Variants in LPA observed in about 807,000 individuals in gnomAD.
The protein encoded by LPA is lipoprotein(a), also known as apolipoprotein(a).
In LPA, 199 loss-of-function variants were observed where a neutral mutation model predicts 197.9. The ratio of observed to expected loss-of-function variants is 1.01; its 90% CI spans 0.90 to 1.13. The LOEUF (loss-of-function observed/expected upper bound fraction) is 1.13. Ranked by LOEUF, LPA falls within the 50% of genes most tolerant of loss-of-function variation. The pLI is 0.00. For missense variants in LPA, 1,853 were observed against 1,785.8 expected (o/e 1.04, Z -0.68); for synonymous variants, 715 against 639.5 (o/e 1.12, Z -1.78).
At chr6:160,538,282 G>A (rs1777924446) in intron 36 of LPA, among the ~76,000 whole-genome samples, 1 of 152,238 alleles carries the variant, frequency 6.6e-6, no homozygotes, top group Non-Finnish European at 1.5e-5. Flanking sequence ...CATGCCAAGT[G>A]TGTCCTTTCA....
chr6:160,583,133 A>G (rs1166723078), intron 26 of LPA, among the ~76,000 whole-genome samples: 2 of 152,116 alleles, frequency 1.3e-5, no homozygotes, highest in African/African-American at 4.8e-5. Context: ...CATACATTTT[A>G]AATCTCCTTG....
intron 27 of LPA, 43 bp from the exon 28 acceptor site, chr6:160,577,338 G>A: frequency 6.3e-7 from 1 of 1,585,024 alleles, no homozygotes; most frequent in East Asian, 2.2e-5. Flanking sequence ...AATTGCATGA[G>A]CAGAGAAACA....
chr6:160,561,631 A>G (rs1054259316), intron 28 of LPA, among the ~76,000 whole-genome samples: 1 of 152,204 alleles, frequency 6.6e-6, no homozygotes, highest in Non-Finnish European at 1.5e-5. Flanking sequence ...CTTGATGGGG[A>G]TAACATTGAA....
chr6:160,557,683 C>T, intron 28 of LPA, 112 bp from the exon 29 acceptor site: 2 of 905,940 alleles, frequency 2.2e-6, no homozygotes, highest in South Asian at 2.8e-5. Context: ...TTGTAATATT[C>T]CCATTTTAGG....
chr6:160,646,780 A>G (rs1779888463), intron 2 of LPA, among the ~76,000 whole-genome samples: 1 of 145,218 alleles, frequency 6.9e-6, no homozygotes, highest in African/African-American at 2.6e-5. Flanking sequence ...TCACATGCAA[A>G]TGCATCTGTA....
intron 30 of LPA, among the ~76,000 whole-genome samples, chr6:160,555,429 C>T (rs1778243678): frequency 1.2e-5 from 1 of 83,074 alleles, no homozygotes; most frequent in African/African-American, 4.8e-5. Flanking sequence ...TGCATGTTTC[C>T]CTAGAACATA....
At chr6:160,591,205 G>A (rs1270931923) in intron 22 of LPA, 104 bp from the exon 23 acceptor site, 2 of 1,418,602 alleles carry the variant, frequency 1.4e-6, no homozygotes. Flanking sequence ...AAGTGACTTT[G>A]AAATATTCTC....
chr6:160,533,932 C>A (rs1466387023), intron 37 of LPA, among the ~76,000 whole-genome samples: 1 of 152,230 alleles, frequency 6.6e-6, no homozygotes, highest in Non-Finnish European at 1.5e-5. Context: ...CCAGGGATTT[C>A]TCAGTGCTCT....
intron 26 of LPA, among the ~76,000 whole-genome samples, chr6:160,584,173 C>T (rs922157197): frequency 4.8e-5 from 1 of 20,980 alleles, no homozygotes; most frequent in Admixed American, 5.2e-4. Context: ...TTTCTATTTT[C>T]TTCTTCTTCT....
rs184436891 is a variant in LPA, at chr6:160,651,566, A to G, written c.50-1069T>C. Among the ~76,000 whole-genome samples the G allele has an allele frequency of 1.8e-3, 267 of 152,350 alleles. 1 individual carries two copies. Among genetic ancestry groups the G allele is most frequent in the East Asian group, 0.011 (56 of 5,184 alleles). ...AACAGAAGATGGGTGCCCATTTCAA[A>G]GCATAAATAATATTTACTGCAATCT... On this transcript the variant is annotated intron_variant, in intron 1 of 38. Coordinates refer to ENST00000316300, the MANE Select transcript of LPA (RefSeq NM_005577.4).
intron 28 of LPA, among the ~76,000 whole-genome samples, chr6:160,559,636 A>G (rs994921216): frequency 6.6e-6 from 1 of 152,234 alleles, no homozygotes; most frequent in Non-Finnish European, 1.5e-5. Context: ...TTCCACCAGC[A>G]TATGATAAGA....
intron 2 of LPA, among the ~76,000 whole-genome samples, chr6:160,648,228 G>C (rs1253185076): frequency 6.6e-6 from 1 of 152,184 alleles, no homozygotes; most frequent in Non-Finnish European, 1.5e-5. Context: ...CCTCTAGCAA[G>C]ACACAGCTTT....
intron 30 of LPA, among the ~76,000 whole-genome samples, chr6:160,554,524 C>T (rs1778222993): frequency 6.6e-6 from 1 of 152,068 alleles, no homozygotes; most frequent in Non-Finnish European, 1.5e-5. Context: ...GGCATAAATC[C>T]TACTCCTAAA....
At chr6:160,659,834 T>A (rs1469815384) in intron 1 of LPA, among the ~76,000 whole-genome samples, 1 of 151,972 alleles carries the variant, frequency 6.6e-6, no homozygotes. Context: ...TCCGTGAGAG[T>A]CCTGAAGCTC....
intron 23 of LPA, 75 bp from the exon 24 acceptor site, chr6:160,589,787 G>A: frequency 6.5e-7 from 1 of 1,534,860 alleles, no homozygotes; most frequent in South Asian, 1.1e-5. Context: ...ATCCATGATA[G>A]AAACAGGACA....
intron 37 of LPA, 140 bp from the exon 38 acceptor site, chr6:160,532,789 G>A: frequency 1.4e-6 from 1 of 709,486 alleles, no homozygotes; most frequent in African/African-American, 1.8e-5. Context: ...CAATGCCACT[G>A]GACTCTCTGA....
intron 28 of LPA, among the ~76,000 whole-genome samples, chr6:160,561,551 C>T (rs991650581): frequency 6.6e-6 from 1 of 152,130 alleles, no homozygotes; most frequent in African/African-American, 2.4e-5. Flanking sequence ...CTTGGATATA[C>T]AGGCCCTTTT....
chr6:160,654,020 A>T (rs868804441), intron 1 of LPA, among the ~76,000 whole-genome samples: 581 of 3,664 alleles, frequency 0.16, 79 homozygotes, highest in African/African-American at 0.27. Context: ...TATTATATAT[A>T]ATATATAATA....
At chr6:160,603,264 G>GTGTGTT (rs1779281338) in intron 18 of LPA, among the ~76,000 whole-genome samples, 1 of 151,440 alleles carries the variant, frequency 6.6e-6, no homozygotes, top group African/African-American at 2.4e-5. Flanking sequence ...GTGTGTGCGT[G>GTGTGTT]CATGTTTCTA....
Sources: allele counts gnomAD v4.1 joint callset (sites outside exome capture counted in the v4.1 genomes callset), GRCh38; gene constraint gnomAD v4.1.1; transcripts MANE v1.5; gene names NCBI Gene and HGNC (gene_info 2026-07-23, HGNC 2026-07-21).